The following NRXN1 variants were observed in gnomAD, a reference collection of about 807,000 sequenced individuals.
NRXN1 encodes neurexin-1.
Under a neutral mutation model 150.9 loss-of-function variants are expected in NRXN1, and 39 were observed. The ratio of observed to expected loss-of-function variants is 0.26; its 90% CI spans 0.20 to 0.34. NRXN1 has a LOEUF of 0.34. NRXN1 is among the 10% of genes least tolerant of loss of function. The probability of loss-of-function intolerance (pLI) is 1.00; values close to 1 mark genes in which losing one functional copy is unlikely to be tolerated. For synonymous variants in NRXN1, 924 were observed against 757.0 expected (o/e 1.22, Z -3.62); for missense variants, 1,815 against 1,949.9 (o/e 0.93, Z 1.30).
intron 2 of NRXN1, among the ~76,000 whole-genome samples, chr2:51,022,809 C>A (rs2105292364): frequency 6.6e-6 from 1 of 152,262 alleles, no homozygotes; most frequent in South Asian, 2.1e-4. Flanking sequence ...AATGTTGATT[C>A]AAACAACAAA....
chr2:50,065,666 T>A (rs1695246195), intron 19 of NRXN1, among the ~76,000 whole-genome samples: 2 of 152,008 alleles, frequency 1.3e-5, no homozygotes, highest in African/African-American at 4.8e-5. Context: ...AGAAGCAGTA[T>A]TTTGTTTTTT....
chr2:50,819,122 C>T (rs930661383), intron 5 of NRXN1, among the ~76,000 whole-genome samples: 10 of 152,200 alleles, frequency 6.6e-5, no homozygotes, highest in African/African-American at 2.2e-4. Flanking sequence ...ATGGAGGTTC[C>T]TCAAACAATT....
At chr2:50,349,916 GAAGGGGAC>G (rs2078291833) in intron 17 of NRXN1, among the ~76,000 whole-genome samples, 1 of 152,196 alleles carries the variant, frequency 6.6e-6, no homozygotes, top group Non-Finnish European at 1.5e-5. Flanking sequence ...GTAGATGCCT[GAAGGGGAC>G]AAGAGTCAAG....
intron 21 of NRXN1, among the ~76,000 whole-genome samples, chr2:50,031,667 G>C (rs1455407056): frequency 2.6e-5 from 4 of 152,042 alleles, no homozygotes; most frequent in Admixed American, 2.6e-4. Context: ...CAATGCATAA[G>C]GAAGAGAAAT....
chr2:50,707,485 G>A lies in NRXN1; in HGVS notation c.833-83870C>T, dbSNP rs976059844. Among the ~76,000 whole-genome samples the A allele has an allele frequency of 5.9e-5, 9 of 152,224 alleles. No homozygotes were observed. In the East Asian group the frequency reaches 7.7e-4, roughly 13 times the overall value. On this transcript the variant is annotated intron_variant, in intron 5 of 22. Coordinates refer to ENST00000401669, the MANE Select transcript of NRXN1 (RefSeq NM_001330078.2). ...ACCCATTTCAACTTCCAAATTTCTGGCAGACGTTATCTTGTACTTTCAGCT... is the reference window on the plus strand; with the variant it reads ...ACCCATTTCAACTTCCAAATTTCTGACAGACGTTATCTTGTACTTTCAGCT...
At chr2:50,430,633 G>C (rs1210372345) in intron 17 of NRXN1, among the ~76,000 whole-genome samples, 1 of 152,152 alleles carries the variant, frequency 6.6e-6, no homozygotes, top group African/African-American at 2.4e-5. Context: ...GACTGTGAAA[G>C]ACAAAATGCT....
chr2:50,111,480 A>G (rs1383944631), intron 18 of NRXN1, among the ~76,000 whole-genome samples: 1 of 152,068 alleles, frequency 6.6e-6, no homozygotes, highest in Non-Finnish European at 1.5e-5. Flanking sequence ...CTCTACTAAA[A>G]ATACAAAAAT....
intron 21 of NRXN1, among the ~76,000 whole-genome samples, chr2:49,999,500 T>C (rs1683555147): frequency 6.6e-6 from 1 of 152,164 alleles, no homozygotes; most frequent in African/African-American, 2.4e-5. Context: ...TGCTCAAAAA[T>C]GGTTGTTGAA....
rs1157472275 is a variant in NRXN1 at position 50,829,657 on chromosome 2, G to A, written c.832+92212C>T. 5 of 1,611,602 alleles carry A rather than the reference G, an allele frequency of 3.1e-6. No individual in the cohort carries two copies. The South Asian group carries it at 4.4e-5, about 14-fold the overall frequency. ...CCAGTAGCCAGGTTGGTACGGGACG[G>A]CATCATAACAGGCTGACACAGCGGA... On this transcript the variant is annotated intron_variant, in intron 5 of 22. Coordinates refer to ENST00000401669, the MANE Select transcript of NRXN1 (RefSeq NM_001330078.2).
chr2:50,523,769 T>C (rs2092862939), intron 12 of NRXN1, among the ~76,000 whole-genome samples: 1 of 152,126 alleles, frequency 6.6e-6, no homozygotes, highest in Non-Finnish European at 1.5e-5. Flanking sequence ...AAAAGCGAGG[T>C]CAAGTACTTG....
rs866315544 is a variant in NRXN1 at position 50,134,455 on chromosome 2, G to A, written c.3547-42961C>T. The stretch of plus-strand genomic sequence containing the variant: ...AATGTCTTGGCATGCAATGGGTCCC[G>A]AGGCATAAATGCAAACCATTAACAA... On this transcript the variant is annotated intron_variant, in intron 18 of 22. Coordinates refer to ENST00000401669, the MANE Select transcript of NRXN1 (RefSeq NM_001330078.2). Among the ~76,000 whole-genome samples, 9 of 152,152 alleles carry A rather than the reference G, an allele frequency of 5.9e-5. 1 individual carries two copies. The Middle Eastern group carries it at 0.024, about 403-fold the overall frequency.
intron 2 of NRXN1, among the ~76,000 whole-genome samples, chr2:50,950,663 A>G (rs1452077956): frequency 6.6e-6 from 1 of 152,176 alleles, no homozygotes; most frequent in Non-Finnish European, 1.5e-5. Flanking sequence ...TTCACCCCCA[A>G]TTCTAAGCTG....
At chr2:50,182,669 A>T in intron 18 of NRXN1, among the ~76,000 whole-genome samples, 1 of 152,078 alleles carries the variant, frequency 6.6e-6, no homozygotes, top group East Asian at 1.9e-4. Context: ...AGCTGTCGCC[A>T]TCCTCTACAA....
At chr2:50,732,357 C>T (rs1171195183) in intron 5 of NRXN1, among the ~76,000 whole-genome samples, 3 of 152,014 alleles carry the variant, frequency 2.0e-5, no homozygotes, top group Admixed American at 6.6e-5. Context: ...ATCATAATTA[C>T]TATTAGGATA....
chr2:50,658,449 G>T (rs1002511560), intron 5 of NRXN1, among the ~76,000 whole-genome samples: 1 of 39,474 alleles, frequency 2.5e-5, no homozygotes, highest in African/African-American at 1.4e-4. Flanking sequence ...TTTGAGGCAG[G>T]GGAGCAATTA....
At chr2:50,630,953 A>AAT in intron 5 of NRXN1, 1 of 345,412 alleles carries the variant, frequency 2.9e-6, no homozygotes. Flanking sequence ...ACAACTTTAG[A>AAT]AAAGCAGAAA....
At position 51,028,657 on chromosome 2, in the gene NRXN1, A is replaced by T. The variant is rs764062765; in HGVS notation, c.-384T>A. On this transcript the variant is annotated 5_prime_UTR_variant, in exon 2 of 23. It introduces an in-frame stop codon into an upstream open reading frame of the 5' UTR. Transcript: ENST00000401669. ...GTATCTGCAGTGTCAACAGATACTT[A>T]ACTCCTCAAATCCCATTATCTGCCA... The T allele has an allele frequency of 5.4e-6, 1 of 185,332 alleles. No individual in the cohort carries two copies. The highest frequency in any genetic ancestry group is 1.9e-4 in the South Asian group (1 of 5,138). The allele number at this position is 185,332 out of a possible 1,614,324, so 11.5% of individuals were successfully genotyped here. A position where few individuals can be genotyped will look rare whatever the true frequency, so the allele number is the denominator to read the frequency against.
rs894459945 is a variant in NRXN1 at position 50,639,520 on chromosome 2, C to A, written c.833-15905G>T. ...ATAGGTGTAAGCCACCATGCCCGGA[C>A]ACTTTTCTGCATTTTTAATGCCATT... On this transcript the variant is annotated intron_variant, in intron 5 of 22. Coordinates refer to ENST00000401669, the MANE Select transcript of NRXN1 (RefSeq NM_001330078.2). Among the ~76,000 whole-genome samples the A allele has an allele frequency of 2.6e-5, 4 of 151,926 alleles. No individual in the cohort carries two copies. The South Asian group carries it at 6.2e-4, about 24-fold the overall frequency.
At chr2:50,920,719 T>C (rs948072514) in intron 5 of NRXN1, among the ~76,000 whole-genome samples, 1 of 151,786 alleles carries the variant, frequency 6.6e-6, no homozygotes, top group African/African-American at 2.4e-5. Context: ...AAATAATTGA[T>C]ACATACTGTC....
Sources: allele counts gnomAD v4.1 joint callset (sites outside exome capture counted in the v4.1 genomes callset), GRCh38; gene constraint gnomAD v4.1.1; transcripts MANE v1.5; gene names NCBI Gene and HGNC (gene_info 2026-07-23, HGNC 2026-07-21).